The following TMPRSS11F variants were observed in gnomAD, a reference collection of about 807,000 sequenced individuals.
TMPRSS11F encodes transmembrane serine protease 11F, also known as transmembrane protease serine 11F.
TMPRSS11F carries 47 observed loss-of-function variants against 60.2 expected under a neutral mutation model. The ratio of observed to expected loss-of-function variants is 0.78; its 90% CI spans 0.62 to 1.00. The LOEUF is 1.00. Ranked by LOEUF, TMPRSS11F falls within the 50% of genes least tolerant of loss-of-function variation. The probability of loss-of-function intolerance (pLI) is 0.00; values close to 1 mark genes in which losing one functional copy is unlikely to be tolerated. For synonymous variants in TMPRSS11F, 166 were observed against 167.3 expected (o/e 0.99, Z 0.06); for missense variants, 519 against 522.9 (o/e 0.99, Z 0.07).
At chr4:68,054,746 A>G (rs926762756) in intron 9 of TMPRSS11F, among the ~76,000 whole-genome samples, 1 of 152,112 alleles carries the variant, frequency 6.6e-6, no homozygotes, top group Non-Finnish European at 1.5e-5. Context: ...TTAATTAACT[A>G]TTTATTGAGT....
intron 3 of TMPRSS11F, among the ~76,000 whole-genome samples, chr4:68,088,058 C>T (rs146222480): frequency 0.04 from 6,039 of 151,830 alleles, 362 homozygotes; most frequent in African/African-American, 0.13. Flanking sequence ...CTCAGCATTT[C>T]TTATGGCTGC....
chr4:68,070,079 G>C lies in TMPRSS11F; in HGVS notation c.515-72C>G, dbSNP rs555007961. On this transcript the variant is annotated intron_variant, in intron 5 of 9. Transcript: ENST00000356291. ...ATTTTCATGTTGTGTTGTTCAACTG[G>C]TCATTAATAGAAATGTGAATTATCT... 4.0e-6 allele frequency: 5 copies of C among 1,256,326 alleles called. No homozygotes were observed. The Admixed American group carries it at 9.4e-5, about 24-fold the overall frequency. The allele number at this position is 1,256,326 out of a possible 1,614,324, so 77.8% of individuals were successfully genotyped here. A position where few individuals can be genotyped will look rare whatever the true frequency, so the allele number is the denominator to read the frequency against.
chr4:68,129,343 A>G (rs1249248581), intron 1 of TMPRSS11F, among the ~76,000 whole-genome samples: 1 of 152,130 alleles, frequency 6.6e-6, no homozygotes, highest in African/African-American at 2.4e-5. Flanking sequence ...ATACAAAATA[A>G]CCTATCATAG....
At chr4:68,068,908 C>A in intron 6 of TMPRSS11F, 89 bp from the exon 7 acceptor site, 1 of 1,348,602 alleles carries the variant, frequency 7.4e-7, no homozygotes. Context: ...AATCCTTTGT[C>A]CCTGCTACCA....
intron 1 of TMPRSS11F, among the ~76,000 whole-genome samples, chr4:68,123,861 G>GA (rs572521369): frequency 1.1e-3 from 162 of 152,262 alleles, no homozygotes; most frequent in African/African-American, 3.9e-3. Context: ...ACATATGACT[G>GA]AAATAATGAA....
intron 1 of TMPRSS11F, among the ~76,000 whole-genome samples, chr4:68,105,143 T>C (rs529817594): frequency 4.8e-5 from 7 of 146,260 alleles, no homozygotes; most frequent in African/African-American, 1.5e-4. Context: ...TGTGAAGCCA[T>C]CTGGTCCTGG....
intron 1 of TMPRSS11F, among the ~76,000 whole-genome samples, chr4:68,119,850 A>T (rs1724589653): frequency 6.6e-6 from 1 of 152,222 alleles, no homozygotes. Context: ...TTTAAGACAT[A>T]CATTGATAAG....
At chr4:68,071,875 C>T (rs116740797) in intron 5 of TMPRSS11F, among the ~76,000 whole-genome samples, 120 of 152,108 alleles carry the variant, frequency 7.9e-4, no homozygotes, top group African/African-American at 2.8e-3. Context: ...ATGAAGATGT[C>T]TTTCTTTGAT....
At chr4:68,093,842 A>T (rs996376187) in intron 2 of TMPRSS11F, among the ~76,000 whole-genome samples, 1 of 149,060 alleles carries the variant, frequency 6.7e-6, no homozygotes, top group African/African-American at 2.4e-5. Flanking sequence ...ATCAAAACCA[A>T]AATGAGATAC....
At position 68,125,151 on chromosome 4, in the gene TMPRSS11F, G is replaced by A. The variant is rs974486552; in HGVS notation, c.11+4659C>T. Among the ~76,000 whole-genome samples the A allele has an allele frequency of 1.2e-4, 18 of 150,296 alleles. No homozygotes were observed. The East Asian group carries it at 3.5e-3, about 29-fold the overall frequency. On this transcript the variant is annotated intron_variant, in intron 1 of 9. Transcript: ENST00000356291. Reference sequence around the variant, plus strand: ...AATGGTTTTTTTAACTTACAAACAGGGCAATTTCATATGGTTCCCACTTGT... The same window carrying A: ...AATGGTTTTTTTAACTTACAAACAGAGCAATTTCATATGGTTCCCACTTGT...
intron 8 of TMPRSS11F, among the ~76,000 whole-genome samples, chr4:68,061,504 T>C (rs557980714): frequency 3.9e-5 from 6 of 152,316 alleles, no homozygotes; most frequent in South Asian, 2.1e-4. Context: ...CAAATGTAAA[T>C]TGAAGTAAGA....
At chr4:68,072,762 G>A (rs746179686) in intron 4 of TMPRSS11F, among the ~76,000 whole-genome samples, 4 of 152,158 alleles carry the variant, frequency 2.6e-5, no homozygotes, top group Admixed American at 2.0e-4. Flanking sequence ...TCATAGTTTA[G>A]AGGGGTTTGC....
chr4:68,098,022 C>A (rs1239538921), intron 2 of TMPRSS11F, among the ~76,000 whole-genome samples: 1 of 152,118 alleles, frequency 6.6e-6, no homozygotes, highest in South Asian at 2.1e-4. Flanking sequence ...ATGCAGAAAT[C>A]GGCGGGGCAT....
chr4:68,104,368 T>C (rs1031581849), intron 1 of TMPRSS11F, among the ~76,000 whole-genome samples: 2 of 152,270 alleles, frequency 1.3e-5, no homozygotes, highest in South Asian at 2.1e-4. Context: ...TAGTTCCCAT[T>C]ATCCCTACAT....
rs571133147 is a variant in TMPRSS11F, at chr4:68,103,303, A to C, written c.12-4265T>G. ...AAAAAAAATACTTAAAAAAATAGTC[A>C]GTTGTGGTGGCACATGCCCGTAGTC... On this transcript the variant is annotated intron_variant, in intron 1 of 9. Transcript: ENST00000356291. Among the ~76,000 whole-genome samples, 305 of 152,170 alleles carry C rather than the reference A, an allele frequency of 2.0e-3. 1 individual carries two copies. Among genetic ancestry groups the C allele is most frequent in the African/African-American group, 7.1e-3 (293 of 41,536 alleles).
chr4:68,122,091 A>G (rs1462740252), intron 1 of TMPRSS11F, among the ~76,000 whole-genome samples: 1 of 152,190 alleles, frequency 6.6e-6, no homozygotes, highest in Non-Finnish European at 1.5e-5. Context: ...TAATTGTTAT[A>G]ATAAAATCAC....
At chr4:68,080,466 A>C (rs534050681) in intron 3 of TMPRSS11F, 1 of 152,244 alleles carries the variant, frequency 6.6e-6, no homozygotes, top group African/African-American at 2.4e-5. Flanking sequence ...AACAGTTCAC[A>C]CCTGCACTTC....
At chr4:68,075,536 T>C (rs1723565367) in intron 3 of TMPRSS11F, among the ~76,000 whole-genome samples, 1 of 152,246 alleles carries the variant, frequency 6.6e-6, no homozygotes, top group East Asian at 1.9e-4. Context: ...GTGTTTATTT[T>C]GTAAAAGCTT....
At chr4:68,108,747 T>C (rs1175636613) in intron 1 of TMPRSS11F, among the ~76,000 whole-genome samples, 1 of 152,212 alleles carries the variant, frequency 6.6e-6, no homozygotes, top group African/African-American at 2.4e-5. Flanking sequence ...GAAAAGATTA[T>C]TGCTTCAGAA....
Sources: allele counts gnomAD v4.1 joint callset (sites outside exome capture counted in the v4.1 genomes callset), GRCh38; gene constraint gnomAD v4.1.1; transcripts MANE v1.5; gene names NCBI Gene and HGNC (gene_info 2026-07-23, HGNC 2026-07-21).